Variants in ODF2 observed in about 807,000 individuals in gnomAD.
ODF2 encodes the protein outer dense fiber of sperm tails 2.
Under a neutral mutation model 110.2 loss-of-function variants are expected in ODF2, and 47 were observed. The observed-to-expected ratio is 0.43, with a 90% CI of 0.34 to 0.54. The LOEUF (loss-of-function observed/expected upper bound fraction) is 0.54, where lower values mean the gene tolerates loss of function less well. Among genes scored for constraint, ODF2 ranks in the 20% least tolerant of loss-of-function variants. The pLI, the probability that ODF2 is intolerant of heterozygous loss-of-function variation, is 0.03. For synonymous variants in ODF2, 352 were observed against 397.7 expected (o/e 0.89, Z 1.37); for missense variants, 812 against 1,054.5 (o/e 0.77, Z 3.19).
exon 19 of ODF2, chr9:128,498,446 G>C (rs1456681357): frequency 6.2e-7 from 1 of 1,608,688 alleles, no homozygotes; most frequent in African/African-American, 1.3e-5. Flanking sequence ...AGAATATCGA[G>C]TTCCTACAGG....
At chr9:128,471,451 G>A (rs1226726691) in exon 6 of ODF2, 1 of 1,613,280 alleles carries the variant, frequency 6.2e-7, no homozygotes. Flanking sequence ...GCATGAAGGA[G>A]GAGAAGGACT....
intron 2 of ODF2, among the ~76,000 whole-genome samples, chr9:128,458,367 T>C (rs1835492726): frequency 6.6e-6 from 1 of 151,384 alleles, no homozygotes; most frequent in South Asian, 2.1e-4. Flanking sequence ...GGCAGGAGAA[T>C]TGGAGAATTG....
At chr9:128,499,261 A>G (rs1846165293) in intron 20 of ODF2, 135 bp downstream of exon 20, 4 of 1,051,316 alleles carry the variant, frequency 3.8e-6, no homozygotes, top group South Asian at 3.1e-5. Flanking sequence ...ATCACTTTCT[A>G]TCCCTTAAGG....
chr9:128,461,393 AG>A, intron 4 of ODF2: 1 of 256,166 alleles, frequency 3.9e-6, no homozygotes, highest in Non-Finnish European at 7.6e-6. Flanking sequence ...TTTGCTTGTG[AG>A]GAGCCACATC....
intron 1 of ODF2, chr9:128,456,557 C>T (rs1834839046): frequency 1.3e-6 from 2 of 1,527,314 alleles, no homozygotes; most frequent in African/African-American, 1.4e-5. Flanking sequence ...GGGCAGAAAC[C>T]GGTACCCTCC....
intron 20 of ODF2, 139 bp downstream of exon 20, chr9:128,499,265 C>G: frequency 1.0e-6 from 1 of 1,003,336 alleles, no homozygotes; most frequent in East Asian, 2.6e-5. Flanking sequence ...CTTTCTATCC[C>G]TTAAGGATAT....
intron 17 of ODF2, among the ~76,000 whole-genome samples, chr9:128,495,231 A>T (rs368429686): frequency 6.6e-6 from 1 of 152,240 alleles, no homozygotes; most frequent in South Asian, 2.1e-4. Context: ...TGACGTGTGT[A>T]CTTGTGATAA....
At chr9:128,456,181 C>G in exon 1 of ODF2, 2 of 1,549,344 alleles carry the variant, frequency 1.3e-6, no homozygotes, top group South Asian at 1.2e-5. Flanking sequence ...CGCGGCGTCT[C>G]CATGGCACGA....
intron 1 of ODF2, chr9:128,457,105 G>A: frequency 7.2e-7 from 1 of 1,398,332 alleles, no homozygotes; most frequent in Non-Finnish European, 9.4e-7. Context: ...GGGCGCGGTG[G>A]TCCTTTCCCT....
At chr9:128,498,506 G>A (rs756357228) in exon 19 of ODF2, 1 of 1,612,304 alleles carries the variant, frequency 6.2e-7, no homozygotes, top group South Asian at 1.1e-5. Flanking sequence ...TGCGGCTGGA[G>A]GAGAAAACAC....
intron 5 of ODF2, among the ~76,000 whole-genome samples, chr9:128,469,985 A>AAC (rs1839323474): frequency 2.3e-4 from 2 of 8,586 alleles, no homozygotes; most frequent in African/African-American, 7.7e-4. Context: ...CTCTGTCTCA[A>AAC]AAAAAAAAAA....
chr9:128,460,297 C>T (rs1254463417), intron 3 of ODF2: 38 of 1,390,558 alleles, frequency 2.7e-5, no homozygotes, highest in Admixed American at 4.3e-5. Context: ...TGTTCTGGAA[C>T]GGGTGGGTCT....
intron 1 of ODF2, chr9:128,456,736 G>T (rs1834911292): frequency 1.0e-6 from 1 of 981,516 alleles, no homozygotes; most frequent in East Asian, 1.2e-4. Flanking sequence ...ACCGTCTCCG[G>T]CTTGCCAGGG....
In ODF2 at chr9:128,457,614, G is replaced by C. The variant is rs369000054; in HGVS notation, c.32+177G>C. ...GGAACGAAATGTATACACAATCCTA[G>C]CTCTACCTCCCTCGCTCCTTCCCTC... is the stretch of plus-strand genomic sequence containing the variant. On this transcript the variant is annotated intron_variant, in intron 2 of 20. Transcript: ENST00000604420. Among the ~76,000 whole-genome samples the C allele has an allele frequency of 1.2e-4, 19 of 152,288 alleles. No homozygotes were observed. In the East Asian group the frequency reaches 3.5e-3, roughly 28 times the overall value.
At chr9:128,456,702 C>A in intron 1 of ODF2, 1 of 1,379,688 alleles carries the variant, frequency 7.2e-7, no homozygotes, top group Non-Finnish European at 9.3e-7. Flanking sequence ...GTACGCCCTC[C>A]GTAGGCAGCG....
exon 19 of ODF2, chr9:128,498,570 A>C: frequency 6.4e-7 from 1 of 1,552,518 alleles, no homozygotes; most frequent in Non-Finnish European, 8.8e-7. Context: ...AGATGCGAGG[A>C]GGCAGGTCAG....
At chr9:128,479,779 A>G (rs1012993928) in intron 8 of ODF2, among the ~76,000 whole-genome samples, 15 of 152,182 alleles carry the variant, frequency 9.9e-5, no homozygotes, top group South Asian at 2.1e-4. Flanking sequence ...GAGGTTCCAC[A>G]TGCCATGGCA....
In ODF2 at chr9:128,498,368, A is replaced by G. The variant is rs770721061; in HGVS notation, c.2013-45A>G. The G allele has an allele frequency of 6.1e-6, 9 of 1,479,826 alleles. No individual in the cohort carries two copies. The South Asian group carries it at 1.1e-4, about 19-fold the overall frequency. 91.7% of individuals were successfully genotyped at this position (1,479,826 alleles called of 1,614,324 possible). The stretch of plus-strand genomic sequence containing the variant: ...CAGCCCCCTGGCGGGGTGGAACATG[A>G]CAGGTTGGGGTATGCCCAGGATCTG... On this transcript the variant is annotated intron_variant, in intron 18 of 20. Transcript: ENST00000604420.
At position 128,459,782 on chromosome 9, in the gene ODF2, T is replaced by C. The variant is rs1032163925; in HGVS notation, c.123+125T>C. 4.9e-5 allele frequency: 32 copies of C among 657,354 alleles called. 1 individual carries two copies. In the Admixed American group the frequency reaches 8.8e-4, roughly 18 times the overall value. 40.7% of individuals were successfully genotyped at this position (657,354 alleles called of 1,614,324 possible). A position where few individuals can be genotyped will look rare whatever the true frequency, so the allele number is the denominator to read the frequency against. On this transcript the variant is annotated intron_variant, in intron 3 of 20. Transcript: ENST00000604420. The stretch of plus-strand genomic sequence containing the variant: ...GCCGCCCAGTTGCTCTGCTAGGTGC[T>C]GTTATACATACTCTGCTGATTTTTA...
Sources: gnomAD v4.1 joint callset for allele counts (sites outside exome capture counted in the v4.1 genomes callset) on GRCh38, gnomAD v4.1.1 for gene constraint, MANE v1.5 for transcripts, NCBI Gene and HGNC (gene_info 2026-07-23, HGNC 2026-07-21) for gene names.